DSCAM: variants seen among roughly 807,000 people sequenced by gnomAD.
DSCAM encodes cell adhesion molecule DSCAM.
A neutral mutation model predicts 217.7 loss-of-function variants in DSCAM; 47 were observed. The observed-to-expected ratio is 0.22, with a 90% CI of 0.17 to 0.28. DSCAM has a LOEUF of 0.28. Ranked by LOEUF, DSCAM falls within the 10% of genes least tolerant of loss-of-function variation. The pLI is 1.00. For missense variants in DSCAM, 2,080 were observed against 2,618.3 expected (o/e 0.79, Z 4.49); for synonymous variants, 1,056 against 1,015.3 (o/e 1.04, Z -0.76).
chr21:40,298,953 G>A (rs1372343772), intron 9 of DSCAM, among the ~76,000 whole-genome samples: 3 of 152,168 alleles, frequency 2.0e-5, no homozygotes, highest in African/African-American at 7.2e-5. Context: ...GGTAGTTACA[G>A]ATAAAAACGG....
intron 8 of DSCAM, among the ~76,000 whole-genome samples, chr21:40,318,905 G>T (rs1249122632): frequency 1.3e-5 from 2 of 152,142 alleles, no homozygotes; most frequent in African/African-American, 2.4e-5. Flanking sequence ...GCAAGAGTGA[G>T]CCAGTGGGGA....
intron 11 of DSCAM, among the ~76,000 whole-genome samples, chr21:40,222,733 T>A (rs2091299400): frequency 6.6e-6 from 1 of 151,666 alleles, no homozygotes; most frequent in African/African-American, 2.4e-5. Flanking sequence ...TTTAAAAAAA[T>A]ATCTCAGTGT....
At position 40,080,238 on chromosome 21, in the gene DSCAM, G is replaced by C; in HGVS notation, c.4334C>G (p.Thr1445Ser). ...SYRLENLKCG[T>S]WYKFTLTAQN... ...GGCTGTCAGTGTGAACTTATACCAA[G>C]TCCCACATTTGAGATTTTCCAAGCG... The change falls in exon 25 of 33, where the codon ACT becomes AGT. Residue 1445 changes from threonine (T) to serine (S), a missense_variant. Physicochemically the swap from Thr to Ser is moderately conservative, Grantham distance 58. This residue lies in a region of DSCAM where 1,144 missense variants were observed against 1,421.1 expected (regional missense o/e 0.81). Coordinates refer to ENST00000400454, the MANE Select transcript of DSCAM (RefSeq NM_001389.5). The C allele has an allele frequency of 6.2e-7, 1 of 1,613,480 alleles. No individual in the cohort carries two copies. The highest frequency in any genetic ancestry group is 8.5e-7 in the Non-Finnish European group (1 of 1,179,914).
intron 3 of DSCAM, among the ~76,000 whole-genome samples, chr21:40,615,705 C>G (rs73905009): frequency 0.018 from 2,722 of 152,138 alleles, 73 homozygotes; most frequent in African/African-American, 0.063. Flanking sequence ...ATTAAGTGGC[C>G]TGGGATGTGT....
chr21:40,653,040 A>C (rs900094978), intron 3 of DSCAM, among the ~76,000 whole-genome samples: 3 of 152,238 alleles, frequency 2.0e-5, no homozygotes, highest in African/African-American at 7.2e-5. Flanking sequence ...GGAAGAGTTA[A>C]GCCCTGTCCC....
intron 28 of DSCAM, among the ~76,000 whole-genome samples, chr21:40,061,367 G>A (rs1347775361): frequency 2.6e-5 from 4 of 152,000 alleles, no homozygotes; most frequent in African/African-American, 4.8e-5. Flanking sequence ...TCAGGAGTTC[G>A]AGACCAGCCT....
chr21:40,694,083 T>TA (rs995915428), intron 2 of DSCAM, among the ~76,000 whole-genome samples: 2 of 152,186 alleles, frequency 1.3e-5, no homozygotes, highest in African/African-American at 4.8e-5. Context: ...AGGCCACACT[T>TA]ACCAATAGCC....
chr21:40,491,784 C>A (rs988666627), intron 3 of DSCAM, among the ~76,000 whole-genome samples: 1 of 152,234 alleles, frequency 6.6e-6, no homozygotes, highest in South Asian at 2.1e-4. Context: ...ATTTCACCAG[C>A]AACTTCCCTT....
intron 9 of DSCAM, among the ~76,000 whole-genome samples, chr21:40,309,197 G>T (rs1247982095): frequency 6.6e-6 from 1 of 152,080 alleles, no homozygotes; most frequent in East Asian, 1.9e-4. Context: ...AAAAATAGTT[G>T]TGTTTTCTGA....
intron 3 of DSCAM, among the ~76,000 whole-genome samples, chr21:40,657,581 C>A (rs573530271): frequency 5.3e-4 from 80 of 152,280 alleles, no homozygotes; most frequent in African/African-American, 1.9e-3. Flanking sequence ...CGCAGCTACA[C>A]CCTTTGGTGA....
At chr21:40,044,896 C>G (rs545101241) in intron 30 of DSCAM, among the ~76,000 whole-genome samples, 3 of 152,298 alleles carry the variant, frequency 2.0e-5, no homozygotes, top group East Asian at 1.9e-4. Context: ...TCACGTCCCC[C>G]CAAAAGACAT....
intron 8 of DSCAM, among the ~76,000 whole-genome samples, chr21:40,318,101 C>T (rs530615119): frequency 5.5e-5 from 8 of 145,446 alleles, no homozygotes; most frequent in Non-Finnish European, 1.0e-4. Context: ...AACCAAACAC[C>T]GCATGTTCTC....
chr21:40,161,488 T>G (rs1432600607), intron 16 of DSCAM, among the ~76,000 whole-genome samples: 3 of 152,182 alleles, frequency 2.0e-5, no homozygotes, highest in Non-Finnish European at 4.4e-5. Flanking sequence ...GGTTTATGCA[T>G]TAATTTAACG....
intron 20 of DSCAM, among the ~76,000 whole-genome samples, chr21:40,096,753 T>C (rs749672491): frequency 3.4e-5 from 5 of 148,846 alleles, no homozygotes; most frequent in African/African-American, 4.9e-5. Flanking sequence ...TACTCAAGAG[T>C]TTTAGTTTCA....
At chr21:40,181,082 C>T (rs2090794694) in intron 14 of DSCAM, among the ~76,000 whole-genome samples, 1 of 152,132 alleles carries the variant, frequency 6.6e-6, no homozygotes, top group African/African-American at 2.4e-5. Context: ...CCATCCTCAC[C>T]CTCCTGTCCG....
At chr21:40,277,726 T>C (rs2073706535) in intron 10 of DSCAM, among the ~76,000 whole-genome samples, 1 of 150,682 alleles carries the variant, frequency 6.6e-6, no homozygotes, top group Non-Finnish European at 1.5e-5. Flanking sequence ...TTCCGCCTCC[T>C]GGGTTCAAGT....
At chr21:40,487,722 G>C (rs1035339732) in intron 3 of DSCAM, among the ~76,000 whole-genome samples, 5 of 152,170 alleles carry the variant, frequency 3.3e-5, no homozygotes, top group African/African-American at 1.2e-4. Flanking sequence ...AGTGAAGATG[G>C]GCAGCTTCTA....
In DSCAM at chr21:40,200,824, C is replaced by T. The variant is rs78910674; in HGVS notation, c.2357-11586G>A. Among the ~76,000 whole-genome samples the T allele has an allele frequency of 8.9e-3, 1,348 of 152,306 alleles. 28 individuals are homozygous for T. The highest frequency in any genetic ancestry group is 0.031 in the African/African-American group (1,290 of 41,554). ...TTAATGAGATTATGTTAGAGGAACC[C>T]TCTGAGGGTGTTGGAAGAATGGCCC... On this transcript the variant is annotated intron_variant, in intron 11 of 32. Transcript: ENST00000400454.
At chr21:40,700,268 G>A (rs2090641117) in intron 2 of DSCAM, among the ~76,000 whole-genome samples, 2 of 152,192 alleles carry the variant, frequency 1.3e-5, no homozygotes, top group African/African-American at 4.8e-5. Flanking sequence ...CTTTGATATT[G>A]TTCTTCATTT....
Sources: allele counts gnomAD v4.1 joint callset (sites outside exome capture counted in the v4.1 genomes callset), GRCh38; gene constraint gnomAD v4.1.1; regional missense constraint gnomAD v4.1.1; transcripts MANE v1.5; gene names NCBI Gene and HGNC (gene_info 2026-07-23, HGNC 2026-07-21).